The following PDP2 variants were observed in gnomAD, a reference collection of about 807,000 sequenced individuals.
PDP2 encodes [Pyruvate dehydrogenase [acetyl-transferring]]-phosphatase 2, mitochondrial.
Under a neutral mutation model 34.2 loss-of-function variants are expected in PDP2, and 23 were observed. The observed-to-expected ratio is 0.67, with a 90% CI of 0.48 to 0.95. The LOEUF is 0.95. PDP2 is among the 40% of genes least tolerant of loss of function. The probability of loss-of-function intolerance (pLI) is 0.00; values close to 1 mark genes in which losing one functional copy is unlikely to be tolerated. For missense variants in PDP2, 571 were observed against 659.6 expected (o/e 0.87, Z 1.47); for synonymous variants, 275 against 269.2 (o/e 1.02, Z -0.21).
Position 66,887,991 on chromosome 16 carries a change from G to GTCCTTCCTTCCTTCCT in PDP2, c.*2170_*2185dup, listed in dbSNP as rs373306980. On this transcript the variant is annotated 3_prime_UTR_variant, in exon 2 of 2. Transcript: ENST00000311765. Reference sequence around the variant, plus strand: ...AAAAATCCATCTTATCTCTTAGTCCGTCCTTCCTTCCTTCCTTCCTTCCTT... The same window carrying GTCCTTCCTTCCTTCCT: ...AAAAATCCATCTTATCTCTTAGTCCGTCCTTCCTTCCTTCCTTCCTTCCTTCCTTCCTTCCTTCCTT... The GTCCTTCCTTCCTTCCT allele has an allele frequency of 4.1e-5, 4 of 97,346 alleles. No homozygotes were observed. The highest frequency in any genetic ancestry group is 8.3e-5 in the Non-Finnish European group (4 of 48,110). The allele number at this position is 97,346 out of a possible 1,614,324, so 6.0% of individuals were successfully genotyped here. A position where few individuals can be genotyped will look rare whatever the true frequency, so the allele number is the denominator to read the frequency against.
rs1961903086 is a variant in PDP2, at chr16:66,889,127, G to A, written c.*3253G>A. Reference sequence around the variant, plus strand: ...AGTGGTAATTGTCAGGTCTTTCAAAGCATTTATTATTCCTTTTATACGGAG... The same window carrying A: ...AGTGGTAATTGTCAGGTCTTTCAAAACATTTATTATTCCTTTTATACGGAG... On this transcript the variant is annotated 3_prime_UTR_variant, in exon 2 of 2. Coordinates refer to ENST00000311765, the MANE Select transcript of PDP2 (RefSeq NM_020786.4). 1.3e-5 allele frequency: 2 copies of A among 152,112 alleles called. No individual in the cohort carries two copies. The allele number at this position is 152,112 out of a possible 1,614,324, so 9.4% of individuals were successfully genotyped here.
At position 66,885,500 on chromosome 16, in the gene PDP2, T is replaced by C; in HGVS notation, c.1216T>C (p.Phe406Leu). The change falls in exon 2 of 2, where the codon TTC becomes CTC. Residue 406 changes from phenylalanine (F) to leucine (L), a missense_variant. Transcript: ENST00000311765. This position sits in a 1 kb window ranked among gnomAD's most constrained non-coding sequence, Gnocchi z 4.6. Reference sequence around the variant, plus strand: ...CCACAGGCTGAGGCCCCAGGATAAGTTCCTTGTGCTGGCCTCAGATGGCCT... The same window carrying C: ...CCACAGGCTGAGGCCCCAGGATAAGCTCCTTGTGCTGGCCTCAGATGGCCT... The part of the protein sequence containing the change: ...TYHRLRPQDK[F>L]LVLASDGLWD... 1 of 1,614,066 alleles carries C rather than the reference T, an allele frequency of 6.2e-7. No homozygotes were observed. Among genetic ancestry groups the C allele is most frequent in the African/African-American group, 1.3e-5 (1 of 75,044 alleles).
In PDP2 at chr16:66,886,019, C is replaced by T; in HGVS notation, c.*145C>T. On this transcript the variant is annotated 3_prime_UTR_variant, in exon 2 of 2. Coordinates refer to ENST00000311765, the MANE Select transcript of PDP2 (RefSeq NM_020786.4). ...AGACTAACAGGAGGAAAAAAACAAACAGCCTAGCTTTAAAAAACAGTGAAA... is the reference window on the plus strand; with the variant it reads ...AGACTAACAGGAGGAAAAAAACAAATAGCCTAGCTTTAAAAAACAGTGAAA... 1 of 778,362 alleles carries T rather than the reference C, an allele frequency of 1.3e-6. No homozygotes were observed. Among genetic ancestry groups the T allele is most frequent in the Non-Finnish European group, 2.1e-6 (1 of 479,992 alleles). 48.2% of individuals were successfully genotyped at this position (778,362 alleles called of 1,614,324 possible). A position where few individuals can be genotyped will look rare whatever the true frequency, so the allele number is the denominator to read the frequency against.
rs1961871657 is a variant in PDP2 at position 66,888,297 on chromosome 16, A to C, written c.*2423A>C. 6.6e-6 allele frequency: 1 copy of C among 152,078 alleles called. No individual in the cohort carries two copies. Among genetic ancestry groups the C allele is most frequent in the Non-Finnish European group, 1.5e-5 (1 of 68,074 alleles). 9.4% of individuals were successfully genotyped at this position (152,078 alleles called of 1,614,324 possible). On this transcript the variant is annotated 3_prime_UTR_variant, in exon 2 of 2. Coordinates refer to ENST00000311765, the MANE Select transcript of PDP2 (RefSeq NM_020786.4). ...AGGCTGGTCTCAAACTCCTAGACTCAAGCAATCTGCCCACCTCGGCCTCCC... is the reference window on the plus strand; with the variant it reads ...AGGCTGGTCTCAAACTCCTAGACTCCAGCAATCTGCCCACCTCGGCCTCCC...
Position 66,885,422 on chromosome 16 carries a change from C to G in PDP2, c.1138C>G (p.Pro380Ala), listed in dbSNP as rs144775963. Residue 380 changes from proline to alanine, a missense_variant, in exon 2 of 2, where the codon CCC becomes GCC. Pro to Ala is a conservative substitution (Grantham distance 27). This residue lies in a region of PDP2 where 281 missense variants were observed against 375.8 expected (regional missense o/e 0.75). Transcript: ENST00000311765. This position sits in a 1 kb window ranked among gnomAD's most constrained non-coding sequence, Gnocchi z 4.6. ...GGCCCTCAACATTTACCAGTTCACA[C>G]CCCCACACTACTACACTCCACCCTA... ...TEALNIYQFTPPHYYTPPYLT... is the reference protein window; with the variant it reads ...TEALNIYQFTAPHYYTPPYLT... 51 of 1,613,816 alleles carry G rather than the reference C, an allele frequency of 3.2e-5. No individual in the cohort carries two copies. In the African/African-American group the frequency reaches 5.3e-4, roughly 17 times the overall value.
At chr16:66,882,647 C>G (rs1455229407) in intron 1 of PDP2, among the ~76,000 whole-genome samples, 3 of 151,902 alleles carry the variant, frequency 2.0e-5, no homozygotes, top group Non-Finnish European at 4.4e-5. Flanking sequence ...TCTGATGCTA[C>G]ACAAGATAGT....
Position 66,886,506 on chromosome 16 carries a change from C to T in PDP2, c.*632C>T, listed in dbSNP as rs1489144564. ...TGAATCCTTAAACTTGCAAACACGC[C>T]TACTGTAAGCATGCTTGGAATGACT... On this transcript the variant is annotated 3_prime_UTR_variant, in exon 2 of 2. Coordinates refer to ENST00000311765, the MANE Select transcript of PDP2 (RefSeq NM_020786.4). The T allele has an allele frequency of 6.5e-6, 3 of 464,802 alleles. No individual in the cohort carries two copies. Among genetic ancestry groups the T allele is most frequent in the Non-Finnish European group, 9.0e-6 (2 of 222,436 alleles). 28.8% of individuals were successfully genotyped at this position (464,802 alleles called of 1,614,324 possible). A position where few individuals can be genotyped will look rare whatever the true frequency, so the allele number is the denominator to read the frequency against.
chr16:66,885,949 C>G lies in PDP2; in HGVS notation c.*75C>G. ...TTTCACTTACTCCTAAACTAGCTAT[C>G]CAAACCTTACTATTAAAAGCGCAGG... On this transcript the variant is annotated 3_prime_UTR_variant, in exon 2 of 2. Transcript: ENST00000311765. This position sits in a 1 kb window ranked among gnomAD's most constrained non-coding sequence, Gnocchi z 4.6. The G allele has an allele frequency of 2.1e-6, 3 of 1,409,982 alleles. No homozygotes were observed. Among genetic ancestry groups the G allele is most frequent in the Non-Finnish European group, 1.9e-6 (2 of 1,034,666 alleles). 87.3% of individuals were successfully genotyped at this position (1,409,982 alleles called of 1,614,324 possible). A position where few individuals can be genotyped will look rare whatever the true frequency, so the allele number is the denominator to read the frequency against.
rs752728705 is a variant in PDP2, at chr16:66,884,420, C to A, written c.136C>A (p.Pro46Thr). 3 of 1,614,070 alleles carry A rather than the reference C, an allele frequency of 1.9e-6. No individual in the cohort carries two copies. The highest frequency in any genetic ancestry group is 1.7e-6 in the Non-Finnish European group (2 of 1,179,984). The change falls in exon 2 of 2, where the codon CCA becomes ACA. Residue 46 changes from proline to threonine, a missense_variant. By Grantham distance (38) the Pro-to-Thr change is conservative. Transcript: ENST00000311765. ...KLKWRLFSRV[P>T]PTLNSSPCGG... The stretch of plus-strand genomic sequence containing the variant: ...AAAATGGAGGCTCTTTTCCCGGGTG[C>A]CACCCACCCTAAACAGTTCCCCATG...
chr16:66,884,116 G>C (rs965299346), intron 1 of PDP2, 115 bp from the exon 2 acceptor site: 1 of 529,268 alleles, frequency 1.9e-6, no homozygotes, highest in African/African-American at 2.0e-5. Flanking sequence ...GGAGCTTGCA[G>C]TGAGCAGAGA....
intron 1 of PDP2, among the ~76,000 whole-genome samples, chr16:66,882,770 G>A (rs930812464): frequency 6.6e-6 from 1 of 152,278 alleles, no homozygotes; most frequent in Admixed American, 6.5e-5. Context: ...GGTGAGTAAG[G>A]CAGCCATAGT....
In PDP2 at chr16:66,886,441, T is replaced by C. The variant is rs1961769679; in HGVS notation, c.*567T>C. ...GTGATTATGCTTGTGAGAAATTTTG[T>C]AATACTACATTCTAGTTCTGTTTTC... On this transcript the variant is annotated 3_prime_UTR_variant, in exon 2 of 2. Transcript: ENST00000311765. The C allele has an allele frequency of 2.5e-6, 1 of 398,432 alleles. No individual in the cohort carries two copies. Among genetic ancestry groups the C allele is most frequent in the Admixed American group, 3.0e-5 (1 of 33,312 alleles). The allele number at this position is 398,432 out of a possible 1,614,324, so 24.7% of individuals were successfully genotyped here.
rs143126072 is a variant in PDP2 at position 66,884,765 on chromosome 16, G to A, written c.481G>A (p.Ala161Thr). Residue 161 changes from alanine (A) to threonine (T), a missense_variant, in exon 2 of 2, where the codon GCA (alanine) becomes ACA (threonine). Transcript: ENST00000311765. ...GAGCGAGAGGCTCTTCTACTATGTG[G>A]CAGTGTCCCTGATGTCCCACCAGAC... Reference protein sequence around the residue: ...AVSERLFYYVAVSLMSHQTLE... With the variant: ...AVSERLFYYVTVSLMSHQTLE... 326 of 1,614,046 alleles carry A rather than the reference G, an allele frequency of 2.0e-4. No individual in the cohort carries two copies. Among genetic ancestry groups the A allele is most frequent in the Non-Finnish European group, 2.7e-4 (316 of 1,180,054 alleles).
chr16:66,885,059 T>G lies in PDP2; in HGVS notation c.775T>G (p.Ser259Ala), dbSNP rs1344304444. 1 of 1,613,938 alleles carries G rather than the reference T, an allele frequency of 6.2e-7. No individual in the cohort carries two copies. Among genetic ancestry groups the G allele is most frequent in the South Asian group, 1.1e-5 (1 of 91,086 alleles). ...GGAAGATGAGGTGACAAGGAACCTG[T>G]CACTCCAGGTTGCTTTCTCTGGGGC... ...PLEDEVTRNL[S>A]LQVAFSGATA... Residue 259 changes from serine to alanine, a missense_variant, in exon 2 of 2, where the codon TCA becomes GCA. This residue lies in a region of PDP2 where 281 missense variants were observed against 375.8 expected (regional missense o/e 0.75). Coordinates refer to ENST00000311765, the MANE Select transcript of PDP2 (RefSeq NM_020786.4). The surrounding 1 kb of genome is among the most constrained non-coding windows in gnomAD (Gnocchi z 4.6).
At position 66,885,287 on chromosome 16, in the gene PDP2, G is replaced by T. The variant is rs751892830; in HGVS notation, c.1003G>T (p.Glu335Ter). The change falls in exon 2 of 2, where the codon GAG becomes TAG. Residue 335 changes from glutamate (E) to a stop codon, truncating the protein, a stop_gained. Coordinates refer to ENST00000311765, the MANE Select transcript of PDP2 (RefSeq NM_020786.4). LOFTEE classifies it high-confidence loss of function. This position sits in a 1 kb window ranked among gnomAD's most constrained non-coding sequence, Gnocchi z 4.6. ...PESEDRTIIMEDRLLGVLIPC... is the reference protein window; with the variant it reads ...PESEDRTIIM ...GTCAGAGGACAGGACGATCATCATG[G>T]AGGACAGGCTACTGGGCGTCCTCAT... 1.9e-6 allele frequency: 3 copies of T among 1,614,196 alleles called. No homozygotes were observed. The highest frequency in any genetic ancestry group is 1.7e-6 in the Non-Finnish European group (2 of 1,180,038).
rs956107463 is a variant in PDP2 at position 66,887,253 on chromosome 16, A to G, written c.*1379A>G. 1.2e-5 allele frequency: 2 copies of G among 166,276 alleles called. No individual in the cohort carries two copies. Among genetic ancestry groups the G allele is most frequent in the African/African-American group, 4.8e-5 (2 of 41,432 alleles). 10.3% of individuals were successfully genotyped at this position (166,276 alleles called of 1,614,324 possible). On this transcript the variant is annotated 3_prime_UTR_variant, in exon 2 of 2. Transcript: ENST00000311765. Reference sequence around the variant, plus strand: ...TTTGTATTTACTTGGAAATTCAGTTATGTGGATCCATTTTGGAGATGAATT... The same window carrying G: ...TTTGTATTTACTTGGAAATTCAGTTGTGTGGATCCATTTTGGAGATGAATT...
chr16:66,885,086 A>T lies in PDP2; in HGVS notation c.802A>T (p.Thr268Ser). Residue 268 changes from threonine to serine, a missense_variant, in exon 2 of 2, where the codon ACA (threonine) becomes TCA (serine). Thr to Ser is a moderately conservative substitution (Grantham distance 58). Coordinates refer to ENST00000311765, the MANE Select transcript of PDP2 (RefSeq NM_020786.4). This position sits in a 1 kb window ranked among gnomAD's most constrained non-coding sequence, Gnocchi z 4.6. ...LSLQVAFSGATACMAHVDGIH... is the reference protein window; with the variant it reads ...LSLQVAFSGASACMAHVDGIH... ...ACTCCAGGTTGCTTTCTCTGGGGCA[A>T]CAGCTTGCATGGCCCATGTTGATGG... The T allele has an allele frequency of 1.2e-6, 2 of 1,613,970 alleles. No homozygotes were observed. Among genetic ancestry groups the T allele is most frequent in the Non-Finnish European group, 1.7e-6 (2 of 1,180,032 alleles).
Position 66,884,834 on chromosome 16 carries a change from C to T in PDP2, c.550C>T (p.Leu184=), listed in dbSNP as rs986325973. The T allele has an allele frequency of 3.7e-6, 6 of 1,614,048 alleles. No individual in the cohort carries two copies. The highest frequency in any genetic ancestry group is 5.1e-6 in the Non-Finnish European group (6 of 1,179,966). The stretch of plus-strand genomic sequence containing the variant: ...AGCTATGGAAAGCATGAAACCCTTG[C>T]TGCCCATCCTGCATTGGCTCAAGCA... ...EGAMESMKPL[L]PILHWLKHPG... is the part of the protein sequence containing the mutation. Residue 184 remains leucine, a synonymous_variant, in exon 2 of 2, where the codon CTG becomes TTG. Coordinates refer to ENST00000311765, the MANE Select transcript of PDP2 (RefSeq NM_020786.4).
In PDP2 at chr16:66,884,906, C is replaced by A. The variant is rs1961681216; in HGVS notation, c.622C>A (p.His208Asn). 7.4e-6 allele frequency: 12 copies of A among 1,614,122 alleles called. No homozygotes were observed. Among genetic ancestry groups the A allele is most frequent in the Non-Finnish European group, 1.0e-5 (12 of 1,180,020 alleles). The stretch of plus-strand genomic sequence containing the variant: ...GGATGTCACATCTGTGCATCTTGAC[C>A]ACCTCCGTGTCTATTGGCAGGAACT... ...YKDVTSVHLD[H>N]LRVYWQELLD... Residue 208 changes from histidine to asparagine, a missense_variant, in exon 2 of 2, where the codon CAC (histidine) becomes AAC (asparagine). This residue lies in a region of PDP2 where 290 missense variants were observed against 283.8 expected (regional missense o/e 1.02). Transcript: ENST00000311765.
Sources: allele counts gnomAD v4.1 joint callset (sites outside exome capture counted in the v4.1 genomes callset), GRCh38; gene constraint gnomAD v4.1.1; regional missense constraint gnomAD v4.1.1; non-coding constraint Gnocchi (gnomAD v3.1); transcripts MANE v1.5; gene names NCBI Gene and HGNC (gene_info 2026-07-23, HGNC 2026-07-21).